The following FAM163A variants were observed in gnomAD, a reference collection of about 807,000 sequenced individuals.
The protein encoded by FAM163A is protein FAM163A.
A neutral mutation model predicts 12.0 loss-of-function variants in FAM163A; 7 were observed. The ratio of observed to expected loss-of-function variants is 0.58; its 90% CI spans 0.33 to 1.10. The LOEUF is 1.10. Among genes scored for constraint, FAM163A ranks in the 50% least tolerant of loss-of-function variants. FAM163A has a pLI of 0.03. For missense variants in FAM163A, 202 were observed against 218.6 expected (o/e 0.92, Z 0.48); for synonymous variants, 101 against 91.0 (o/e 1.11, Z -0.62).
intron 1 of FAM163A, among the ~76,000 whole-genome samples, chr1:179,762,117 A>G (rs1235852077): frequency 6.6e-6 from 1 of 152,188 alleles, no homozygotes; most frequent in Non-Finnish European, 1.5e-5. Context: ...GCTCTTGTTG[A>G]ATGGATGGAT....
At chr1:179,802,022 C>T (rs1007354626) in intron 1 of FAM163A, among the ~76,000 whole-genome samples, 2 of 152,188 alleles carry the variant, frequency 1.3e-5, no homozygotes, top group Admixed American at 1.3e-4. Flanking sequence ...CTGGAAGGCT[C>T]CCTGGGGGAA....
At chr1:179,767,591 T>C (rs2148086461) in intron 1 of FAM163A, among the ~76,000 whole-genome samples, 1 of 152,270 alleles carries the variant, frequency 6.6e-6, no homozygotes, top group South Asian at 2.1e-4. Flanking sequence ...CCACTTTCTT[T>C]TGTTTCTCTT....
the FAM163A span, among the ~76,000 whole-genome samples, chr1:179,732,993 G>C: frequency 6.6e-6 from 1 of 151,604 alleles, no homozygotes; most frequent in Admixed American, 6.6e-5. Flanking sequence ...GATGTGGACA[G>C]AGACCTGCTC....
the FAM163A span, among the ~76,000 whole-genome samples, chr1:179,734,306 C>T: frequency 6.6e-6 from 1 of 152,184 alleles, no homozygotes; most frequent in African/African-American, 2.4e-5. Flanking sequence ...CTAGAGAAAG[C>T]TGTCATCTTA....
At chr1:179,807,955 G>T (rs1694183894) in intron 2 of FAM163A, 67 bp downstream of exon 2, 1 of 152,360 alleles carries the variant, frequency 6.6e-6, no homozygotes, top group Non-Finnish European at 1.5e-5. Flanking sequence ...CAGTGGGGAA[G>T]GAGCTTCAGC....
intron 1 of FAM163A, among the ~76,000 whole-genome samples, chr1:179,773,416 C>T (rs1032609001): frequency 2.0e-5 from 3 of 152,126 alleles, no homozygotes; most frequent in African/African-American, 4.8e-5. Flanking sequence ...TAGATTGTAT[C>T]GGTGTCAATT....
At chr1:179,732,752 G>A in the FAM163A span, among the ~76,000 whole-genome samples, 1 of 151,684 alleles carries the variant, frequency 6.6e-6, no homozygotes, top group Non-Finnish European at 1.5e-5. Flanking sequence ...GTGGTGGTGC[G>A]TGCTTGTAGT....
At chr1:179,809,064 A>C (rs533226105) in intron 2 of FAM163A, among the ~76,000 whole-genome samples, 2 of 152,146 alleles carry the variant, frequency 1.3e-5, no homozygotes, top group African/African-American at 4.8e-5. Flanking sequence ...CCGAGATTGC[A>C]GCACTACACT....
At chr1:179,759,469 C>T (rs757413701) in intron 1 of FAM163A, among the ~76,000 whole-genome samples, 46 of 152,110 alleles carry the variant, frequency 3.0e-4, no homozygotes, top group Non-Finnish European at 5.3e-4. Context: ...GATGAAGGGA[C>T]ACTTAATCCA....
At chr1:179,774,053 T>C (rs1485810414) in intron 1 of FAM163A, among the ~76,000 whole-genome samples, 1 of 152,228 alleles carries the variant, frequency 6.6e-6, no homozygotes, top group Non-Finnish European at 1.5e-5. Flanking sequence ...CATCCTGTCA[T>C]CTTTGTCCAT....
At chr1:179,795,880 C>T (rs937087001) in intron 1 of FAM163A, among the ~76,000 whole-genome samples, 6 of 151,530 alleles carry the variant, frequency 4.0e-5, no homozygotes, top group African/African-American at 9.8e-5. Context: ...TGAGTTCCTG[C>T]GTTGGCCATT....
intron 1 of FAM163A, among the ~76,000 whole-genome samples, chr1:179,779,583 T>C (rs888662320): frequency 4.6e-5 from 7 of 152,242 alleles, no homozygotes; most frequent in Non-Finnish European, 8.8e-5. Context: ...ATTGAATGAA[T>C]AGACAGTTGT....
chr1:179,791,655 A>G (rs1385671587), intron 1 of FAM163A, among the ~76,000 whole-genome samples: 1 of 152,254 alleles, frequency 6.6e-6, no homozygotes, highest in Non-Finnish European at 1.5e-5. Context: ...ACGCGTTTTC[A>G]TTTAACAGTT....
At chr1:179,734,838 C>T in the FAM163A span, among the ~76,000 whole-genome samples, 2 of 152,168 alleles carry the variant, frequency 1.3e-5, no homozygotes, top group African/African-American at 4.8e-5. Context: ...ACCAATTATA[C>T]TGCCAACATA....
At chr1:179,743,950 G>T (rs1000255495) in intron 1 of FAM163A, among the ~76,000 whole-genome samples, 1 of 152,204 alleles carries the variant, frequency 6.6e-6, no homozygotes, top group Non-Finnish European at 1.5e-5. Context: ...GGTGGGGGCC[G>T]ACCGGCGGGG....
At chr1:179,737,725 C>T in the FAM163A span, among the ~76,000 whole-genome samples, 12 of 152,140 alleles carry the variant, frequency 7.9e-5, no homozygotes, top group East Asian at 1.9e-3. Context: ...GTCCCAGCTA[C>T]TCGGGAGGCT....
At chr1:179,745,938 C>T (rs760793436) in intron 1 of FAM163A, among the ~76,000 whole-genome samples, 4 of 152,158 alleles carry the variant, frequency 2.6e-5, no homozygotes, top group Non-Finnish European at 4.4e-5. Context: ...AAGACTCTTA[C>T]TTGTAGATCC....
the FAM163A span, among the ~76,000 whole-genome samples, chr1:179,733,078 C>T: frequency 6.6e-6 from 1 of 151,828 alleles, no homozygotes; most frequent in Non-Finnish European, 1.5e-5. Flanking sequence ...CATACCGAGG[C>T]GGCAGGGACC....
At chr1:179,771,608 T>G (rs1029067600) in intron 1 of FAM163A, among the ~76,000 whole-genome samples, 1 of 152,136 alleles carries the variant, frequency 6.6e-6, no homozygotes, top group Non-Finnish European at 1.5e-5. Context: ...TGCTTGGATA[T>G]CTGTCTCTTC....
Sources: allele counts gnomAD v4.1 joint callset (sites outside exome capture counted in the v4.1 genomes callset), GRCh38; gene constraint gnomAD v4.1.1; transcripts MANE v1.5; gene names NCBI Gene and HGNC (gene_info 2026-07-23, HGNC 2026-07-21).